CYP4F11: variants seen among roughly 807,000 people sequenced by gnomAD.
CYP4F11 encodes cytochrome P450 4F11.
A neutral mutation model predicts 62.2 loss-of-function variants in CYP4F11; 79 were observed. The observed-to-expected ratio is 1.27, with a 90% CI of 1.06 to 1.53. The LOEUF is 1.53. Ranked by LOEUF, CYP4F11 falls within the 40% of genes most tolerant of loss-of-function variation. The probability of loss-of-function intolerance (pLI) is 0.00; values close to 1 mark genes in which losing one functional copy is unlikely to be tolerated. For missense variants in CYP4F11, 777 were observed against 680.5 expected (o/e 1.14, Z -1.58); for synonymous variants, 290 against 263.7 (o/e 1.10, Z -0.97).
At position 15,912,680 on chromosome 19, in the gene CYP4F11, A is replaced by AAAAAAAAAATAT. The variant is rs59091525; in HGVS notation, c.*1051_*1052insATATTTTTTTTT. 5 of 66,166 alleles carry AAAAAAAAAATAT rather than the reference A, an allele frequency of 7.6e-5. No homozygotes were observed. Among genetic ancestry groups the AAAAAAAAAATAT allele is most frequent in the Admixed American group, 1.8e-4 (1 of 5,446 alleles). The allele number at this position is 66,166 out of a possible 1,614,324, so 4.1% of individuals were successfully genotyped here. On this transcript the variant is annotated 3_prime_UTR_variant, in exon 12 of 12. Coordinates refer to ENST00000402119, the MANE Select transcript of CYP4F11 (RefSeq NM_021187.4). The stretch of plus-strand genomic sequence containing the variant: ...TCACCATCCTCAGGAAAAAAAAAAA[A>AAAAAAAAAATAT]ATATATATATATATATATGTGTGTG...
At position 15,929,604 on chromosome 19, in the gene CYP4F11, G is replaced by A; in HGVS notation, c.199-3C>T. ...ATGCCCTCTTCCGTGGGAGTGACCT[G>A]AAAACAAGGCAGAGGCCGTCAGCCC... On this transcript the variant is annotated splice_region_variant and splice_polypyrimidine_tract_variant and intron_variant, in intron 1 of 11. Coordinates refer to ENST00000402119, the MANE Select transcript of CYP4F11 (RefSeq NM_021187.4). The A allele has an allele frequency of 6.3e-7, 1 of 1,589,898 alleles. No individual in the cohort carries two copies. Among genetic ancestry groups the A allele is most frequent in the South Asian group, 1.1e-5 (1 of 87,512 alleles).
At chr19:15,934,011 A>G (rs2089753741) in intron 1 of CYP4F11, among the ~76,000 whole-genome samples, 200 bp downstream of exon 1, 3 of 112,672 alleles carry the variant, frequency 2.7e-5, no homozygotes, top group Admixed American at 9.3e-5. Context: ...TGGGCAGAGG[A>G]ATGAGTGAGT....
chr19:15,933,083 AG>A (rs1416812697), intron 1 of CYP4F11, among the ~76,000 whole-genome samples: 1 of 2,582 alleles, frequency 3.9e-4, no homozygotes, highest in African/African-American at 1.7e-3. Flanking sequence ...TGAGTGAGTG[AG>A]GAGAAGAATG....
chr19:15,916,053 T>C (rs946063911), intron 8 of CYP4F11, among the ~76,000 whole-genome samples: 6 of 152,098 alleles, frequency 3.9e-5, no homozygotes, highest in African/African-American at 9.7e-5. Flanking sequence ...TATCTAAGGA[T>C]TGATTTAACA....
chr19:15,934,310 G>T lies in CYP4F11; in HGVS notation c.99C>A (p.Arg33=), dbSNP rs753189806. ...AGAAGGTGTAGGTCCAGGCCAGGAC[G>T]CGGGCCAGGAGCCAGGAGCCTCCAA... ...LLVGGSWLLA[R]VLAWTYTFYD... Residue 33 remains arginine (R), a synonymous_variant, in exon 1 of 12, where the codon CGC becomes CGA. Coordinates refer to ENST00000402119, the MANE Select transcript of CYP4F11 (RefSeq NM_021187.4). 3.1e-6 allele frequency: 5 copies of T among 1,612,746 alleles called. No homozygotes were observed. The highest frequency in any genetic ancestry group is 1.3e-5 in the African/African-American group (1 of 74,606).
intron 8 of CYP4F11, among the ~76,000 whole-genome samples, chr19:15,921,157 C>T (rs1171876250): frequency 6.6e-6 from 1 of 151,102 alleles, no homozygotes; most frequent in Non-Finnish European, 1.5e-5. Flanking sequence ...AGGCTCTCTT[C>T]TTGACCTAGA....
Position 15,913,578 on chromosome 19 carries a change from A to T in CYP4F11, c.*154T>A. ...GAGAGGCCGTCAGGGTTTTGGGTTC[A>T]GAGACGTCACCCTGCCTCCACCCAC... is the stretch of plus-strand genomic sequence containing the variant. On this transcript the variant is annotated 3_prime_UTR_variant, in exon 12 of 12. Coordinates refer to ENST00000402119, the MANE Select transcript of CYP4F11 (RefSeq NM_021187.4). 1.0e-6 allele frequency: 1 copy of T among 966,248 alleles called. No homozygotes were observed. Among genetic ancestry groups the T allele is most frequent in the Non-Finnish European group, 1.5e-6 (1 of 653,446 alleles). The allele number at this position is 966,248 out of a possible 1,614,324, so 59.9% of individuals were successfully genotyped here. A position where few individuals can be genotyped will look rare whatever the true frequency, so the allele number is the denominator to read the frequency against.
At chr19:15,931,626 AGAGGAATGAGTGAGCGAGG>A in intron 1 of CYP4F11, among the ~76,000 whole-genome samples, 2 of 74,554 alleles carry the variant, frequency 2.7e-5, no homozygotes, top group Non-Finnish European at 2.6e-5. Flanking sequence ...GTGAGCGAGG[AGAGGAATGAGTGAGCGAGG>A]AGAGGAATGA....
chr19:15,925,824 A>G (rs1193791654), intron 4 of CYP4F11, among the ~76,000 whole-genome samples: 1 of 151,266 alleles, frequency 6.6e-6, no homozygotes, highest in Non-Finnish European at 1.5e-5. Flanking sequence ...GAGATAAGGC[A>G]ATGACTGCTC....
At chr19:15,932,212 A>G (rs796488424) in intron 1 of CYP4F11, among the ~76,000 whole-genome samples, 1 of 28,734 alleles carries the variant, frequency 3.5e-5, no homozygotes, top group Non-Finnish European at 6.7e-5. Flanking sequence ...GAGGAGAGGA[A>G]TGAGTGAGCG....
At chr19:15,926,151 G>C (rs1054836632) in intron 4 of CYP4F11, among the ~76,000 whole-genome samples, 4 of 86,208 alleles carry the variant, frequency 4.6e-5, no homozygotes, top group African/African-American at 1.6e-4. Flanking sequence ...GTGACAGAGT[G>C]AGACTCCAGA....
At chr19:15,934,045 GAGAGGAATGAGTGAGTGGGC>G (rs1568259038) in intron 1 of CYP4F11, among the ~76,000 whole-genome samples, 146 bp downstream of exon 1, 1,868 of 74,656 alleles carry the variant, frequency 0.025, 211 homozygotes, top group Non-Finnish European at 0.036. Flanking sequence ...AGTGAGCGGG[GAGAGGAATGAGTGAGTGGGC>G]AGAGGAATGA....
Position 15,924,626 on chromosome 19 carries a change from T to G in CYP4F11, c.647+135A>C. The G allele has an allele frequency of 3.0e-5, 29 of 975,830 alleles. 1 individual carries two copies. In the South Asian group the frequency reaches 4.1e-4, roughly 14 times the overall value. 60.4% of individuals were successfully genotyped at this position (975,830 alleles called of 1,614,324 possible). ...TCTACTGTCTCTTTCCCCCTCCCCA[T>G]CCTTCAAAGCCCAGCTATGACACAC... On this transcript the variant is annotated intron_variant, in intron 5 of 11. Transcript: ENST00000402119.
rs2089543262 is a variant in CYP4F11, at chr19:15,912,717, G to GTA, written c.*1014_*1015insTA. ...TATATATGTGTGTGTGTGTGTGTGTGTGTGTGTGTGTGTGTGTATATGTAT... is the reference window on the plus strand; with the variant it reads ...TATATATGTGTGTGTGTGTGTGTGTGTATGTGTGTGTGTGTGTGTATATGTAT... On this transcript the variant is annotated 3_prime_UTR_variant, in exon 12 of 12. Coordinates refer to ENST00000402119, the MANE Select transcript of CYP4F11 (RefSeq NM_021187.4). 1.2e-5 allele frequency: 1 copy of GTA among 84,070 alleles called. No individual in the cohort carries two copies. The highest frequency in any genetic ancestry group is 2.3e-5 in the Non-Finnish European group (1 of 44,044). 5.2% of individuals were successfully genotyped at this position (84,070 alleles called of 1,614,324 possible). A position where few individuals can be genotyped will look rare whatever the true frequency, so the allele number is the denominator to read the frequency against.
At chr19:15,914,698 G>A in intron 9 of CYP4F11, 32 bp from the exon 10 acceptor site, 1 of 1,613,968 alleles carries the variant, frequency 6.2e-7, no homozygotes, top group East Asian at 2.2e-5. Flanking sequence ...TCAGGACAAG[G>A]CCCCCCTGCC....
rs3056072 is a variant in CYP4F11 at position 15,919,471 on chromosome 19, TATAGATAGATAG to T, written c.1115+2554_1115+2565del. On this transcript the variant is annotated intron_variant, in intron 8 of 11. Transcript: ENST00000402119. The stretch of plus-strand genomic sequence containing the variant: ...GGATGGATGAACGGATGGACAGATG[TATAGATAGATAG>T]ATAGATAGATAGATAGATAGATAGA... Among the ~76,000 whole-genome samples, 1,172 of 136,660 alleles carry T rather than the reference TATAGATAGATAG, an allele frequency of 8.6e-3. 18 individuals are homozygous for T. Among genetic ancestry groups the T allele is most frequent in the African/African-American group, 0.024 (907 of 37,442 alleles). The allele number at this position is 136,660 out of a possible 152,430, so 89.7% of individuals were successfully genotyped here. A position where few individuals can be genotyped will look rare whatever the true frequency, so the allele number is the denominator to read the frequency against.
intron 4 of CYP4F11, among the ~76,000 whole-genome samples, chr19:15,926,434 C>T (rs541226900): frequency 4.3e-4 from 66 of 152,180 alleles, no homozygotes; most frequent in Non-Finnish European, 8.1e-4. Context: ...GAAAAACATC[C>T]TAAGCACTTC....
chr19:15,928,822 A>G (rs7258206), intron 2 of CYP4F11, among the ~76,000 whole-genome samples: 82,461 of 151,942 alleles, frequency 0.54, 22,936 homozygotes, highest in Non-Finnish European at 0.6. Flanking sequence ...AGAGCCATGA[A>G]TAGGGTGGAT....
chr19:15,927,636 G>C, intron 2 of CYP4F11, 153 bp from the exon 3 acceptor site: 1 of 1,010,682 alleles, frequency 9.9e-7, no homozygotes, highest in Non-Finnish European at 1.5e-6. Context: ...AGGGAGGATG[G>C]TGGAGGAAGG....
Sources: gnomAD v4.1 joint callset for allele counts (sites outside exome capture counted in the v4.1 genomes callset) on GRCh38, gnomAD v4.1.1 for gene constraint, MANE v1.5 for transcripts, NCBI Gene and HGNC (gene_info 2026-07-23, HGNC 2026-07-21) for gene names.